TGFA: variants seen among roughly 807,000 people sequenced by gnomAD.
TGFA encodes transforming growth factor alpha.
In TGFA, 12 loss-of-function variants were observed where a neutral mutation model predicts 21.7. The ratio of observed to expected loss-of-function variants is 0.55; its 90% CI spans 0.35 to 0.90. TGFA has a LOEUF of 0.90. Ranked by LOEUF, TGFA falls within the 40% of genes least tolerant of loss-of-function variation. The pLI is 0.01. For synonymous variants in TGFA, 79 were observed against 88.1 expected, an observed-to-expected ratio of 0.90 and a Z score of 0.58; for missense variants, 178 against 210.8, an observed-to-expected ratio of 0.84 and a Z score of 0.96.
chr2:70,476,116 A>ATTAC (rs1464095182), intron 2 of TGFA, among the ~76,000 whole-genome samples: 1 of 150,692 alleles, frequency 6.6e-6, no homozygotes, highest in East Asian at 1.9e-4. Flanking sequence ...AATTAAGAAA[A>ATTAC]TTACAGGTCA....
At chr2:70,500,266 C>T (rs1431385817) in intron 2 of TGFA, among the ~76,000 whole-genome samples, 2 of 152,188 alleles carry the variant, frequency 1.3e-5, no homozygotes, top group Non-Finnish European at 1.5e-5. Context: ...GCATCAGGAA[C>T]TCTTTTACTT....
rs1162714460 is a variant in TGFA at position 70,526,342 on chromosome 2, C to T, written c.41-11430G>A. On this transcript the variant is annotated intron_variant, in intron 1 of 5. Coordinates refer to ENST00000295400, the MANE Select transcript of TGFA (RefSeq NM_003236.4). ...ATAGTGGTGGGGTTCCAATGAGACT[C>T]GGAAGCCCCAAGAGGGAAGAAACAC... Among the ~76,000 whole-genome samples, 5 of 152,176 alleles carry T rather than the reference C, an allele frequency of 3.3e-5. 1 individual carries two copies. The highest frequency in any genetic ancestry group is 3.3e-4 in the Admixed American group (5 of 15,280).
chr2:70,506,001 C>G (rs901244033), intron 2 of TGFA, among the ~76,000 whole-genome samples: 3 of 152,164 alleles, frequency 2.0e-5, no homozygotes, highest in Non-Finnish European at 4.4e-5. Context: ...AGCTGCAGGT[C>G]TCTTCATCAG....
At chr2:70,451,733 A>G (rs546281480) in intron 5 of TGFA, 4 of 699,388 alleles carry the variant, frequency 5.7e-6, no homozygotes, top group South Asian at 3.0e-5. Context: ...ATTTACCTTC[A>G]TTAGCTCAAT....
intron 2 of TGFA, among the ~76,000 whole-genome samples, chr2:70,482,840 G>A (rs537005141): frequency 6.6e-6 from 1 of 151,970 alleles, no homozygotes. Context: ...GCTCATAAAA[G>A]TCTCAACAGG....
intron 1 of TGFA, among the ~76,000 whole-genome samples, chr2:70,521,609 G>GTTGGTTTTTTTTTTTTTTTTTTTTTTTT (rs1432347684): frequency 1.3e-5 from 1 of 78,876 alleles, no homozygotes; most frequent in African/African-American, 5.0e-5. Context: ...TTTTGTTGTT[G>GTTGGTTTTTTTTTTTTTTTTTTTTTTTT]TTTGTTTGTT....
At chr2:70,454,402 G>A (rs1285691101) in intron 4 of TGFA, among the ~76,000 whole-genome samples, 10 of 152,234 alleles carry the variant, frequency 6.6e-5, no homozygotes, top group Non-Finnish European at 1.5e-5. Flanking sequence ...TATGTTACAG[G>A]TGAAAACCGG....
At chr2:70,469,371 A>G (rs58464416) in intron 2 of TGFA, among the ~76,000 whole-genome samples, 30,220 of 151,946 alleles carry the variant, frequency 0.2, 3,394 homozygotes, top group African/African-American at 0.3. Context: ...GTCTCACTTC[A>G]TCATCCAGGC....
Position 70,518,524 on chromosome 2 carries a change from G to T in TGFA, c.41-3612C>A, listed in dbSNP as rs186229496. ...CCATTTAGCTCATGAGTCCCCAGAA[G>T]TGGAGCCATCCCAAAACCTATGTGC... is the stretch of plus-strand genomic sequence containing the variant. On this transcript the variant is annotated intron_variant, in intron 1 of 5. Coordinates refer to ENST00000295400, the MANE Select transcript of TGFA (RefSeq NM_003236.4). Among the ~76,000 whole-genome samples, 157 of 152,282 alleles carry T rather than the reference G, an allele frequency of 1.0e-3. 2 individuals are homozygous for T. Among genetic ancestry groups the T allele is most frequent in the Non-Finnish European group, 1.9e-4 (13 of 68,024 alleles).
chr2:70,537,014 CAAATTTAAAGTTT>C (rs1672990723), intron 1 of TGFA, among the ~76,000 whole-genome samples: 8 of 112,166 alleles, frequency 7.1e-5, no homozygotes, highest in Admixed American at 3.0e-4. Context: ...TTTTTTTTTA[CAAATTTAAAGTTT>C]GTGGCATCTA....
intron 1 of TGFA, among the ~76,000 whole-genome samples, chr2:70,532,865 C>CTT (rs5832016): frequency 3.9e-4 from 56 of 145,136 alleles, no homozygotes; most frequent in African/African-American, 1.4e-3. Context: ...TATTCTTTTT[C>CTT]TTTTTTTTTT....
intron 3 of TGFA, among the ~76,000 whole-genome samples, chr2:70,462,037 C>T (rs1387443135): frequency 6.6e-6 from 1 of 152,030 alleles, no homozygotes; most frequent in African/African-American, 2.4e-5. Context: ...GAAAGTGCTC[C>T]CTCTCTCGAG....
intron 1 of TGFA, among the ~76,000 whole-genome samples, chr2:70,534,696 G>GT (rs1283811161): frequency 3.0e-5 from 4 of 133,904 alleles, no homozygotes; most frequent in Admixed American, 2.1e-4. Flanking sequence ...TACCATACTT[G>GT]TTTTTTTATA....
At position 70,450,463 on chromosome 2, in the gene TGFA, T is replaced by C. The variant is rs1240577752; in HGVS notation, c.*396A>G. On this transcript the variant is annotated 3_prime_UTR_variant, in exon 6 of 6. Coordinates refer to ENST00000295400, the MANE Select transcript of TGFA (RefSeq NM_003236.4). ...CAATAACTATAGAAATCTCCTGTGT[T>C]GGGCAGAATTCTGTTGTGGGGAGGT... 1.7e-5 allele frequency: 3 copies of C among 179,024 alleles called. No homozygotes were observed. The highest frequency in any genetic ancestry group is 3.5e-5 in the Non-Finnish European group (3 of 85,192). The allele number at this position is 179,024 out of a possible 1,614,324, so 11.1% of individuals were successfully genotyped here. A position where few individuals can be genotyped will look rare whatever the true frequency, so the allele number is the denominator to read the frequency against.
At chr2:70,472,014 A>AT (rs1293183328) in intron 2 of TGFA, among the ~76,000 whole-genome samples, 1 of 150,716 alleles carries the variant, frequency 6.6e-6, no homozygotes, top group Non-Finnish European at 1.5e-5. Context: ...CTCTCCCCCT[A>AT]TTTTTTTCTC....
chr2:70,481,021 T>C (rs1200921563), intron 2 of TGFA, among the ~76,000 whole-genome samples: 1 of 152,188 alleles, frequency 6.6e-6, no homozygotes, highest in Non-Finnish European at 1.5e-5. Context: ...ACCAGGGTCA[T>C]TTTACCTCTT....
At chr2:70,550,182 C>G (rs1553506580) in intron 1 of TGFA, among the ~76,000 whole-genome samples, 1 of 152,194 alleles carries the variant, frequency 6.6e-6, no homozygotes, top group Non-Finnish European at 1.5e-5. Flanking sequence ...TCGGTCCTTA[C>G]TTACGGGAGT....
In TGFA at chr2:70,553,690, T is replaced by C. The variant is rs782699903; in HGVS notation, c.40+38A>G. On this transcript the variant is annotated intron_variant, in intron 1 of 5. Coordinates refer to ENST00000295400, the MANE Select transcript of TGFA (RefSeq NM_003236.4). ...GGCGGGGACCGGGGGAAGCAGGGTGTCGCGCGGCGCAGGGGGCGCCGCAGC... is the reference window on the plus strand; with the variant it reads ...GGCGGGGACCGGGGGAAGCAGGGTGCCGCGCGGCGCAGGGGGCGCCGCAGC... 3 of 1,328,018 alleles carry C rather than the reference T, an allele frequency of 2.3e-6. No individual in the cohort carries two copies. In the East Asian group the frequency reaches 9.1e-5, roughly 40 times the overall value. 82.3% of individuals were successfully genotyped at this position (1,328,018 alleles called of 1,614,324 possible).
At chr2:70,453,381 G>A (rs1670122951) in intron 4 of TGFA, 54 bp from the exon 5 acceptor site, 1 of 1,544,486 alleles carries the variant, frequency 6.5e-7, no homozygotes. Context: ...GAGGGCCAGG[G>A]TGGTACAGCA....
Sources: gnomAD v4.1 joint callset for allele counts (sites outside exome capture counted in the v4.1 genomes callset) on GRCh38, gnomAD v4.1.1 for gene constraint, MANE v1.5 for transcripts, NCBI Gene and HGNC (gene_info 2026-07-23, HGNC 2026-07-21) for gene names.